Variants in OXR1 observed in about 807,000 individuals in gnomAD.
OXR1 encodes the protein oxidation resistance 1, also known as oxidation resistance protein 1.
In OXR1, 41 loss-of-function variants were observed where a neutral mutation model predicts 104.6. The observed-to-expected ratio is 0.39, with a 90% CI of 0.31 to 0.51. The LOEUF (loss-of-function observed/expected upper bound fraction) is 0.51, where lower values mean the gene tolerates loss of function less well. OXR1 is among the 20% of genes least tolerant of loss of function. The pLI, the probability that OXR1 is intolerant of heterozygous loss-of-function variation, is 0.77. For missense variants in OXR1, 955 were observed against 1,031.9 expected (o/e 0.93, Z 1.02); for synonymous variants, 348 against 348.4 (o/e 1.00, Z 0.01).
intron 14 of OXR1, 80 bp from the exon 15 acceptor site, chr8:106,742,142 T>C: frequency 1.2e-6 from 1 of 836,472 alleles, no homozygotes. Flanking sequence ...TTGCATTTTA[T>C]TTAAACATAT....
rs1476635735 is a variant in OXR1, at chr8:106,530,977, GTTAT to G, written c.220+11841_220+11844del. 1.9e-4 allele frequency among the ~76,000 whole-genome samples: 29 copies of G among 152,206 alleles called. No individual in the cohort carries two copies. In the East Asian group the frequency reaches 2.7e-3, roughly 14 times the overall value. On this transcript the variant is annotated intron_variant, in intron 3 of 16. Transcript: ENST00000517566. ...ATTAATAAGTTGGTTTTAAAGTAAG[GTTAT>G]TTGTTAGTTTATTTTATGTTACCAT...
At chr8:106,549,537 A>G (rs1192100771) in intron 3 of OXR1, among the ~76,000 whole-genome samples, 1 of 152,192 alleles carries the variant, frequency 6.6e-6, no homozygotes, top group Non-Finnish European at 1.5e-5. Context: ...TTTTAAAATG[A>G]TCACTATCTT....
At chr8:106,602,046 A>G (rs1233457950) in intron 3 of OXR1, among the ~76,000 whole-genome samples, 6 of 152,100 alleles carry the variant, frequency 3.9e-5, no homozygotes, top group Admixed American at 3.9e-4. Context: ...CTACAACCGA[A>G]AGGAAATGTG....
At chr8:106,626,624 T>C (rs1422338498) in intron 3 of OXR1, among the ~76,000 whole-genome samples, 6 of 150,742 alleles carry the variant, frequency 4.0e-5, no homozygotes, top group Non-Finnish European at 8.9e-5. Context: ...TACACATTTA[T>C]TAAGCTTGAG....
intron 2 of OXR1, among the ~76,000 whole-genome samples, chr8:106,495,902 G>A (rs1279839575): frequency 2.6e-5 from 4 of 152,070 alleles, no homozygotes; most frequent in Non-Finnish European, 4.4e-5. Flanking sequence ...ATATAGTGAT[G>A]AGCACAGATT....
intron 16 of OXR1, among the ~76,000 whole-genome samples, chr8:106,747,249 A>G (rs1033587126): frequency 6.6e-6 from 1 of 152,222 alleles, no homozygotes; most frequent in Non-Finnish European, 1.5e-5. Context: ...TTCCTTAGCT[A>G]TAAATTGGAG....
intron 2 of OXR1, among the ~76,000 whole-genome samples, chr8:106,478,297 TA>T (rs532456138): frequency 7.2e-5 from 11 of 151,732 alleles, no homozygotes; most frequent in East Asian, 5.8e-4. Context: ...CTTAATATAT[TA>T]AAAAAAATAA....
chr8:106,741,908 T>C (rs1179032156), intron 14 of OXR1, among the ~76,000 whole-genome samples: 4 of 152,186 alleles, frequency 2.6e-5, no homozygotes, highest in African/African-American at 9.6e-5. Context: ...ATATCATACA[T>C]ACATTGTACA....
At chr8:106,554,995 C>A (rs959651843) in intron 3 of OXR1, among the ~76,000 whole-genome samples, 1 of 152,062 alleles carries the variant, frequency 6.6e-6, no homozygotes, top group African/African-American at 2.4e-5. Flanking sequence ...ATGTATTAAT[C>A]ATCTCACAGT....
Position 106,359,619 on chromosome 8 carries a change from T to A in OXR1, c.6T>A (p.Ser2=), listed in dbSNP as rs1199582553. 2 of 1,548,872 alleles carry A rather than the reference T, an allele frequency of 1.3e-6. No individual in the cohort carries two copies. The highest frequency in any genetic ancestry group is 1.7e-6 in the Non-Finnish European group (2 of 1,144,132). The change falls in exon 2 of 17, where the codon TCT becomes TCA. Residue 2 remains serine (S), a synonymous_variant. Transcript: ENST00000517566. ...CTCCTCAACAAGTTGCTGCAATGTC[T>A]GTGTCTAATCTATCATGGTGAGTGA... M[S]VSNLSWLKKK...
chr8:106,588,567 A>G (rs976189002), intron 3 of OXR1, among the ~76,000 whole-genome samples: 4 of 150,860 alleles, frequency 2.7e-5, no homozygotes, highest in Non-Finnish European at 5.9e-5. Context: ...GGCTCACTGC[A>G]ACCTCTGCCT....
chr8:106,706,114 C>A (rs1831123779), intron 8 of OXR1, among the ~76,000 whole-genome samples: 1 of 152,092 alleles, frequency 6.6e-6, no homozygotes. Context: ...GGATTACTTG[C>A]AAGGAAATCT....
intron 3 of OXR1, among the ~76,000 whole-genome samples, chr8:106,615,658 C>T (rs142072149): frequency 1.3e-5 from 2 of 151,828 alleles, no homozygotes; most frequent in African/African-American, 2.4e-5. Context: ...TGCTTTCTAC[C>T]TGCTGCTGTT....
At chr8:106,505,101 G>C (rs1812069499) in intron 2 of OXR1, among the ~76,000 whole-genome samples, 1 of 152,202 alleles carries the variant, frequency 6.6e-6, no homozygotes, top group Non-Finnish European at 1.5e-5. Flanking sequence ...TCAGGAGATA[G>C]CTGTATTTTT....
chr8:106,546,932 G>T (rs960988203), intron 3 of OXR1, among the ~76,000 whole-genome samples: 3 of 152,160 alleles, frequency 2.0e-5, no homozygotes, highest in Admixed American at 6.5e-5. Flanking sequence ...TCACTATGTC[G>T]CCAGGCTGGA....
chr8:106,529,233 G>C lies in OXR1; in HGVS notation c.220+10094G>C, dbSNP rs73311205. Among the ~76,000 whole-genome samples the C allele has an allele frequency of 3.7e-3, 564 of 152,226 alleles. 4 individuals are homozygous for C. The highest frequency in any genetic ancestry group is 0.013 in the African/African-American group (538 of 41,530). ...CATTTGTGGATTAATAAGACCATGG[G>C]ATTCAATATATGTTTCTGACAGTCT... On this transcript the variant is annotated intron_variant, in intron 3 of 16. Transcript: ENST00000517566.
chr8:106,348,601 A>G (rs1815595873), intron 1 of OXR1, among the ~76,000 whole-genome samples: 1 of 152,198 alleles, frequency 6.6e-6, no homozygotes, highest in African/African-American at 2.4e-5. Context: ...TGTAGATTCT[A>G]AAAACATTAT....
intron 2 of OXR1, among the ~76,000 whole-genome samples, chr8:106,446,391 G>A (rs1034907810): frequency 2.6e-5 from 4 of 152,052 alleles, no homozygotes; most frequent in Non-Finnish European, 4.4e-5. Context: ...AGGCTGAGGC[G>A]AGCAGATCAC....
chr8:106,517,677 A>T (rs557995218), intron 2 of OXR1, among the ~76,000 whole-genome samples: 3 of 152,292 alleles, frequency 2.0e-5, no homozygotes, highest in African/African-American at 7.2e-5. Flanking sequence ...CAATGTAGTT[A>T]TAATTTGTAT....
Sources: allele counts gnomAD v4.1 joint callset (sites outside exome capture counted in the v4.1 genomes callset), GRCh38; gene constraint gnomAD v4.1.1; transcripts MANE v1.5; gene names NCBI Gene and HGNC (gene_info 2026-07-23, HGNC 2026-07-21).